CUL7: variants seen among roughly 807,000 people sequenced by gnomAD.
CUL7 encodes the protein cullin-7.
Under a neutral mutation model 177.7 loss-of-function variants are expected in CUL7, and 96 were observed. That is an observed-to-expected ratio of 0.54 (90% CI 0.46 to 0.64). The LOEUF is 0.64. CUL7 is among the 30% of genes least tolerant of loss of function. The pLI is 0.00. For missense variants in CUL7, 1,893 were observed against 2,187.9 expected, an observed-to-expected ratio of 0.87 and a Z score of 2.69; for synonymous variants, 824 against 890.2, an observed-to-expected ratio of 0.93 and a Z score of 1.32.
In CUL7 at chr6:43,053,747, AG is replaced by A. The variant is rs1326951628; in HGVS notation, c.-135del. ...GAGGGGGTCGAGACGGAGAGACGGG[AG>A]GGGGCGTGCCTCCGCGGAACAGAGC... is the stretch of plus-strand genomic sequence containing the variant. On this transcript the variant is annotated 5_prime_UTR_variant, in exon 1 of 26. Transcript: ENST00000265348. The surrounding 1 kb of genome is among the most constrained non-coding windows in gnomAD (Gnocchi z 4.1). The A allele has an allele frequency of 2.0e-6, 3 of 1,493,670 alleles. No individual in the cohort carries two copies. The highest frequency in any genetic ancestry group is 2.6e-5 in the East Asian group (1 of 38,610). The allele number at this position is 1,493,670 out of a possible 1,614,324, so 92.5% of individuals were successfully genotyped here. A position where few individuals can be genotyped will look rare whatever the true frequency, so the allele number is the denominator to read the frequency against.
At position 43,053,517 on chromosome 6, in the gene CUL7, C is replaced by T; in HGVS notation, c.-9+105G>A. The T allele has an allele frequency of 1.3e-6, 1 of 782,958 alleles. No individual in the cohort carries two copies. The highest frequency in any genetic ancestry group is 1.8e-6 in the Non-Finnish European group (1 of 557,352). The allele number at this position is 782,958 out of a possible 1,614,324, so 48.5% of individuals were successfully genotyped here. A position where few individuals can be genotyped will look rare whatever the true frequency, so the allele number is the denominator to read the frequency against. On this transcript the variant is annotated intron_variant, in intron 1 of 25. Transcript: ENST00000265348. The surrounding 1 kb of genome is among the most constrained non-coding windows in gnomAD (Gnocchi z 4.1). ...GGGGATTAGGCCCCATAAGCTAGAA[C>T]CCCGAGGCACGGTAGGATGGGGACC... is the stretch of plus-strand genomic sequence containing the variant.
chr6:43,051,503 G>A lies in CUL7; in HGVS notation c.733-35C>T. ...ACAACCTTTGGCCTATATCCACCTTGTCCCAGTTTAAGCCCCTCTCTCCAT... is the reference window on the plus strand; with the variant it reads ...ACAACCTTTGGCCTATATCCACCTTATCCCAGTTTAAGCCCCTCTCTCCAT... On this transcript the variant is annotated intron_variant, in intron 3 of 25. Coordinates refer to ENST00000265348, the MANE Select transcript of CUL7 (RefSeq NM_014780.5). This position sits in a 1 kb window ranked among gnomAD's most constrained non-coding sequence, Gnocchi z 5.0. The A allele has an allele frequency of 6.2e-7, 1 of 1,613,988 alleles. No homozygotes were observed.
chr6:43,046,896 A>T lies in CUL7; in HGVS notation c.2381T>A (p.Leu794Gln). ...HLYRKLITNI[L>Q]GGCIQMVLGQ... ...CCTCCTGACCTGGATGCAGCCTCCC[A>T]GGATGTTGGTGATGAGTTTGCGGTA... Residue 794 changes from leucine (L) to glutamine (Q), a missense_variant, in exon 10 of 26, where the codon CTG (leucine) becomes CAG (glutamine). Around this residue, in one of 5 missense-constraint regions of CUL7, gnomAD observed 973 missense variants for 1,140.9 expected, o/e 0.85. Coordinates refer to ENST00000265348, the MANE Select transcript of CUL7 (RefSeq NM_014780.5). The T allele has an allele frequency of 6.2e-7, 1 of 1,605,142 alleles. No individual in the cohort carries two copies. Among genetic ancestry groups the T allele is most frequent in the Non-Finnish European group, 8.5e-7 (1 of 1,171,846 alleles).
Position 43,040,746 on chromosome 6 carries a change from C to A in CUL7, c.3807G>T (p.Gln1269His). ...CCAGGAGACGGTCCGCCATGTAGTG[C>A]CTGCAGTGCATGCAGCCCGGGCCAA... ...EIATTFEHYY[Q>H]HYMADRLLGV... Residue 1269 changes from glutamine (Q) to histidine (H), a missense_variant and splice_region_variant, in exon 21 of 26, where the codon CAG (glutamine) becomes CAT (histidine). Gln to His is a conservative substitution (Grantham distance 24, BLOSUM62 0). Coordinates refer to ENST00000265348, the MANE Select transcript of CUL7 (RefSeq NM_014780.5). The surrounding 1 kb of genome is among the most constrained non-coding windows in gnomAD (Gnocchi z 4.2). The A allele has an allele frequency of 6.2e-7, 1 of 1,614,080 alleles. No individual in the cohort carries two copies. Among genetic ancestry groups the A allele is most frequent in the Non-Finnish European group, 8.5e-7 (1 of 1,179,974 alleles).
In CUL7 at chr6:43,040,043, A is replaced by G. The variant is rs564056873; in HGVS notation, c.4294+113T>C. ...GCGTGAGCACTGTGCCCAGCCAAAG[A>G]CTATCTCTTTTTACATCAAGCCTCC... is the stretch of plus-strand genomic sequence containing the variant. On this transcript the variant is annotated intron_variant, in intron 22 of 25. Transcript: ENST00000265348. This position sits in a 1 kb window ranked among gnomAD's most constrained non-coding sequence, Gnocchi z 4.2. 7.2e-4 allele frequency: 940 copies of G among 1,304,412 alleles called. 3 individuals carry two copies. The highest frequency in any genetic ancestry group is 9.6e-4 in the Non-Finnish European group (864 of 902,078). The allele number at this position is 1,304,412 out of a possible 1,614,324, so 80.8% of individuals were successfully genotyped here.
At position 43,040,116 on chromosome 6, in the gene CUL7, C is replaced by T. The variant is rs1480083859; in HGVS notation, c.4294+40G>A. 3 of 1,613,334 alleles carry T rather than the reference C, an allele frequency of 1.9e-6. No homozygotes were observed. Among genetic ancestry groups the T allele is most frequent in the African/African-American group, 1.3e-5 (1 of 74,902 alleles). On this transcript the variant is annotated intron_variant, in intron 22 of 25. Transcript: ENST00000265348. This position sits in a 1 kb window ranked among gnomAD's most constrained non-coding sequence, Gnocchi z 4.2. ...CCCCAGGTCCTTTCCTAGCAGCCCA[C>T]CCTCTCCCCAGTCCCCAGTCCCTCT...
At position 43,047,154 on chromosome 6, in the gene CUL7, C is replaced by T. The variant is rs201513950; in HGVS notation, c.2170-47G>A. On this transcript the variant is annotated intron_variant, in intron 9 of 25. Coordinates refer to ENST00000265348, the MANE Select transcript of CUL7 (RefSeq NM_014780.5). ...GAGATGAATGAAGACAGGGCGAGGG[C>T]CACAAGGGCACCTGCAGTAGCAGGT... is the stretch of plus-strand genomic sequence containing the variant. The T allele has an allele frequency of 1.5e-4, 160 of 1,101,536 alleles. No individual in the cohort carries two copies. In the African/African-American group the frequency reaches 2.2e-3, roughly 15 times the overall value. The allele number at this position is 1,101,536 out of a possible 1,614,324, so 68.2% of individuals were successfully genotyped here. A position where few individuals can be genotyped will look rare whatever the true frequency, so the allele number is the denominator to read the frequency against.
At position 43,043,196 on chromosome 6, in the gene CUL7, A is replaced by G; in HGVS notation, c.3356-16T>C. 6.2e-7 allele frequency: 1 copy of G among 1,604,970 alleles called. No individual in the cohort carries two copies. The highest frequency in any genetic ancestry group is 8.5e-7 in the Non-Finnish European group (1 of 1,172,256). ...TTTCTGCCTTCTGTAGAGACCAAGA[A>G]AGTGGCAGAGGCAAGGAGGGTGCAG... is the stretch of plus-strand genomic sequence containing the variant. On this transcript the variant is annotated splice_polypyrimidine_tract_variant and intron_variant, in intron 17 of 25. Transcript: ENST00000265348. The surrounding 1 kb of genome is among the most constrained non-coding windows in gnomAD (Gnocchi z 4.2).
At chr6:43,038,759 G>GA in intron 23 of CUL7, 67 bp from the exon 24 acceptor site, 1 of 1,612,296 alleles carries the variant, frequency 6.2e-7, no homozygotes, top group Non-Finnish European at 8.5e-7. Flanking sequence ...ATGGAGGGAA[G>GA]AAGCAGAGGG....
rs768227165 is a variant in CUL7, at chr6:43,046,534, A to G, written c.2465T>C (p.Val822Ala). 1.2e-6 allele frequency: 2 copies of G among 1,614,164 alleles called. No homozygotes were observed. Among genetic ancestry groups the G allele is most frequent in the Non-Finnish European group, 1.7e-6 (2 of 1,180,036 alleles). The change falls in exon 11 of 26, where the codon GTG becomes GCG. Residue 822 changes from valine (V) to alanine (A), a missense_variant. Physicochemically the swap from Val to Ala is moderately conservative, Grantham distance 64 (BLOSUM62 0). Transcript: ENST00000265348. The part of the protein sequence containing the change: ...HQPINIPFFD[V>A]FLRYLCQGSS... ...ACCCTGGCACAGGTATCTGAGGAAC[A>G]CATCAAAGAAAGGGATGTTGATGGG... is the stretch of plus-strand genomic sequence containing the variant.
Position 43,045,291 on chromosome 6 carries a change from G to A in CUL7, c.2974C>T (p.Arg992Trp), listed in dbSNP as rs1301329334. ...ATGTCCTGGCTCCAGGCCTGTGCCCGAACCATGTAGAAGAGGCGTGTGTGA... is the reference window on the plus strand; with the variant it reads ...ATGTCCTGGCTCCAGGCCTGTGCCCAAACCATGTAGAAGAGGCGTGTGTGA... Reference protein sequence around the residue: ...CRHTRLFYMVRAQAWSQDMAE... With the variant: ...CRHTRLFYMVWAQAWSQDMAE... The change falls in exon 15 of 26, where the codon CGG becomes TGG. Residue 992 changes from arginine (R) to tryptophan (W), a missense_variant. Physicochemically the swap from Arg to Trp is moderately radical, Grantham distance 101. Coordinates refer to ENST00000265348, the MANE Select transcript of CUL7 (RefSeq NM_014780.5). This position sits in a 1 kb window ranked among gnomAD's most constrained non-coding sequence, Gnocchi z 4.8. 24 of 1,614,084 alleles carry A rather than the reference G, an allele frequency of 1.5e-5. No individual in the cohort carries two copies. The highest frequency in any genetic ancestry group is 5.0e-5 in the Admixed American group (3 of 60,002).
intron 19 of CUL7, among the ~76,000 whole-genome samples, chr6:43,042,280 C>A (rs987063853): frequency 1.3e-5 from 2 of 152,136 alleles, no homozygotes; most frequent in African/African-American, 4.8e-5. Context: ...CTGCTCTGTA[C>A]CCTGCTTTCC....
chr6:43,043,720 A>AC lies in CUL7; in HGVS notation c.3173-91dup. The AC allele has an allele frequency of 3.5e-6, 3 of 855,484 alleles. No individual in the cohort carries two copies. The highest frequency in any genetic ancestry group is 5.9e-6 in the Non-Finnish European group (3 of 511,402). The allele number at this position is 855,484 out of a possible 1,614,324, so 53.0% of individuals were successfully genotyped here. ...TGAACAGGAGTGTGGAGATAGAGCA[A>AC]CTGGACGGAATGATACAAGGAAGGG... On this transcript the variant is annotated intron_variant, in intron 16 of 25. Coordinates refer to ENST00000265348, the MANE Select transcript of CUL7 (RefSeq NM_014780.5). The surrounding 1 kb of genome is among the most constrained non-coding windows in gnomAD (Gnocchi z 4.2).
Position 43,041,008 on chromosome 6 carries a change from T to C in CUL7, c.3713A>G (p.Glu1238Gly). ...IQGSRIGGAQ[E>G]MERLAQLQQC... ...CTGCAGCTGTGCCAGCCTCTCCATT[T>C]CCTGGGCTCCACCGATCCGGCTGCC... The change falls in exon 20 of 26, where the codon GAA (glutamate) becomes GGA (glycine). Residue 1238 changes from glutamate to glycine, a missense_variant. Coordinates refer to ENST00000265348, the MANE Select transcript of CUL7 (RefSeq NM_014780.5). The C allele has an allele frequency of 6.2e-7, 1 of 1,613,856 alleles. No homozygotes were observed. The highest frequency in any genetic ancestry group is 8.5e-7 in the Non-Finnish European group (1 of 1,179,928).
At position 43,049,450 on chromosome 6, in the gene CUL7, C is replaced by G. The variant is rs369092411; in HGVS notation, c.1782G>C (p.Ala594=). 1.1e-4 allele frequency: 182 copies of G among 1,614,098 alleles called. No individual in the cohort carries two copies. Among genetic ancestry groups the G allele is most frequent in the Non-Finnish European group, 1.5e-4 (180 of 1,180,048 alleles). The change falls in exon 7 of 26, where the codon GCG becomes GCC. Residue 594 remains alanine, a synonymous_variant. Transcript: ENST00000265348. ...CTTCTGAGTCCTTAGCCTGGGCCTGCGCGTCTAGCAGGAGGACATCTTCTT... is the reference window on the plus strand; with the variant it reads ...CTTCTGAGTCCTTAGCCTGGGCCTGGGCGTCTAGCAGGAGGACATCTTCTT... ...EAQEDVLLLD[A]QAQAKDSEDA...
Position 43,040,064 on chromosome 6 carries a change from C to G in CUL7, c.4294+92G>C. ...AAAGACTATCTCTTTTTACATCAAG[C>G]CTCCCAACATCAGGGTCTGCCCCCA... On this transcript the variant is annotated intron_variant, in intron 22 of 25. Coordinates refer to ENST00000265348, the MANE Select transcript of CUL7 (RefSeq NM_014780.5). The surrounding 1 kb of genome is among the most constrained non-coding windows in gnomAD (Gnocchi z 4.2). 6.9e-7 allele frequency: 1 copy of G among 1,449,858 alleles called. No homozygotes were observed. The allele number at this position is 1,449,858 out of a possible 1,614,324, so 89.8% of individuals were successfully genotyped here.
intron 25 of CUL7, 74 bp downstream of exon 25, chr6:43,038,193 A>G: frequency 1.3e-6 from 2 of 1,560,480 alleles, no homozygotes; most frequent in Non-Finnish European, 1.7e-6. Context: ...CCACACGTGC[A>G]CCCACCTTGT....
At position 43,045,436 on chromosome 6, in the gene CUL7, CA is replaced by C. The variant is rs1763819269; in HGVS notation, c.2863-35del. The C allele has an allele frequency of 6.2e-7, 1 of 1,613,998 alleles. No homozygotes were observed. The highest frequency in any genetic ancestry group is 1.7e-5 in the Admixed American group (1 of 60,002). On this transcript the variant is annotated intron_variant, in intron 14 of 25. Coordinates refer to ENST00000265348, the MANE Select transcript of CUL7 (RefSeq NM_014780.5). This position sits in a 1 kb window ranked among gnomAD's most constrained non-coding sequence, Gnocchi z 4.8. ...CACACAGGACTATCTTCACTCGCTC[CA>C]CACCTTGGGATGGGCTGGGGTCAGC...
In CUL7 at chr6:43,040,283, C is replaced by T. The variant is rs1180455085; in HGVS notation, c.4167G>A (p.Val1389=). The part of the protein sequence containing the change: ...DLYYEGAMPE[V]SVLVLSRHSW... ...AGTGTCGGGACAGGACAAGCACAGA[C>T]ACTTCTGGCATTGCCCCTTCATAGT... The change falls in exon 22 of 26, where the codon GTG becomes GTA. Residue 1389 remains valine (V), a synonymous_variant. Coordinates refer to ENST00000265348, the MANE Select transcript of CUL7 (RefSeq NM_014780.5). The surrounding 1 kb of genome is among the most constrained non-coding windows in gnomAD (Gnocchi z 4.2). 2 of 1,614,152 alleles carry T rather than the reference C, an allele frequency of 1.2e-6. No homozygotes were observed. Among genetic ancestry groups the T allele is most frequent in the Admixed American group, 1.7e-5 (1 of 60,032 alleles).
Sources: gnomAD v4.1 joint callset for allele counts (sites outside exome capture counted in the v4.1 genomes callset) on GRCh38, gnomAD v4.1.1 for gene constraint, gnomAD v4.1.1 regional missense constraint, Gnocchi (gnomAD v3.1) non-coding constraint, MANE v1.5 for transcripts, NCBI Gene and HGNC (gene_info 2026-07-23, HGNC 2026-07-21) for gene names.